The following CIMIP4 variants were observed in gnomAD, a reference collection of about 807,000 sequenced individuals.
CIMIP4 encodes protein EAN57.
the CIMIP4 span, among the ~76,000 whole-genome samples, chr22:37,004,371 C>T: frequency 4.2e-4 from 64 of 151,154 alleles, no homozygotes; most frequent in African/African-American, 1.5e-3. Flanking sequence ...TTCCTTTCAT[C>T]TCCTCCTCCT....
the CIMIP4 span, among the ~76,000 whole-genome samples, chr22:36,993,157 A>C: frequency 4.0e-5 from 6 of 151,802 alleles, no homozygotes; most frequent in African/African-American, 1.5e-4. Flanking sequence ...GATTACAGGC[A>C]TGCGCCACCA....
chr22:37,002,747 C>T, the CIMIP4 span, among the ~76,000 whole-genome samples: 1 of 152,200 alleles, frequency 6.6e-6, no homozygotes, highest in African/African-American at 2.4e-5. Context: ...CTGGCAGCAG[C>T]GGCACTGGCA....
the CIMIP4 span, chr22:37,007,358 G>A: frequency 2.0e-5 from 3 of 152,310 alleles, no homozygotes; most frequent in Non-Finnish European, 4.4e-5. Context: ...ATGAGGCTCC[G>A]AAAAGACACA....
chr22:37,002,413 A>C, the CIMIP4 span: 1 of 655,040 alleles, frequency 1.5e-6, no homozygotes, highest in Non-Finnish European at 2.3e-6. Context: ...GGAAACGGAC[A>C]GACAAAGAGC....
chr22:36,994,652 G>A, the CIMIP4 span, among the ~76,000 whole-genome samples: 1 of 121,022 alleles, frequency 8.3e-6, no homozygotes, highest in South Asian at 2.5e-4. Context: ...TTTTTTTTGA[G>A]ATGGAGTCTT....
the CIMIP4 span, chr22:37,002,169 G>A: frequency 1.3e-6 from 2 of 1,507,590 alleles, no homozygotes; most frequent in Non-Finnish European, 8.9e-7. Context: ...GCTCCCAGGG[G>A]CAGGGGCTGT....
chr22:37,006,362 A>T, the CIMIP4 span, among the ~76,000 whole-genome samples: 2 of 152,208 alleles, frequency 1.3e-5, no homozygotes, highest in African/African-American at 2.4e-5. Context: ...AATGTCCAAC[A>T]TTTGTGTGGC....
the CIMIP4 span, among the ~76,000 whole-genome samples, chr22:36,998,148 T>G: frequency 1.3e-5 from 2 of 152,228 alleles, no homozygotes; most frequent in Non-Finnish European, 2.9e-5. Context: ...AAAAATAGAT[T>G]ATTTTACATT....
At chr22:36,991,179 C>G in the CIMIP4 span, 1 of 1,614,022 alleles carries the variant, frequency 6.2e-7, no homozygotes, top group Non-Finnish European at 8.5e-7. Flanking sequence ...TGTGTCAAAA[C>G]TAGTACTTGG....
chr22:36,996,966 A>C, the CIMIP4 span, among the ~76,000 whole-genome samples: 3 of 152,180 alleles, frequency 2.0e-5, no homozygotes, highest in Non-Finnish European at 4.4e-5. Context: ...AACCCACATA[A>C]AGAAGGAATT....
chr22:36,996,738 A>T, the CIMIP4 span, among the ~76,000 whole-genome samples: 1 of 152,166 alleles, frequency 6.6e-6, no homozygotes, highest in Admixed American at 6.5e-5. Context: ...TTAACTGGTG[A>T]TGGTGGTGGA....
chr22:36,999,400 G>A, the CIMIP4 span, among the ~76,000 whole-genome samples: 1 of 149,758 alleles, frequency 6.7e-6, no homozygotes, highest in Non-Finnish European at 1.5e-5. Context: ...GCTGAGGTGG[G>A]AGGGTTGCTT....
the CIMIP4 span, among the ~76,000 whole-genome samples, chr22:37,003,113 G>A: frequency 4.6e-5 from 7 of 152,360 alleles, no homozygotes; most frequent in South Asian, 4.1e-4. Context: ...CATCTTGGCC[G>A]TCAGGCCTCT....
chr22:37,001,600 G>A, the CIMIP4 span, among the ~76,000 whole-genome samples: 4 of 152,080 alleles, frequency 2.6e-5, no homozygotes, highest in Admixed American at 2.6e-4. Flanking sequence ...CTAAGCCTCG[G>A]TCTCCTTATC....
chr22:36,991,175 A>C, the CIMIP4 span: 1 of 1,613,932 alleles, frequency 6.2e-7, no homozygotes, highest in Non-Finnish European at 8.5e-7. Flanking sequence ...CTACTGTGTC[A>C]AAACTAGTAC....
At chr22:36,998,353 G>T in the CIMIP4 span, among the ~76,000 whole-genome samples, 1 of 152,166 alleles carries the variant, frequency 6.6e-6, no homozygotes, top group Non-Finnish European at 1.5e-5. Flanking sequence ...GTGGGCACCT[G>T]GTTCCTCAGG....
the CIMIP4 span, among the ~76,000 whole-genome samples, chr22:36,994,831 C>T: frequency 1.3e-5 from 2 of 152,050 alleles, no homozygotes; most frequent in African/African-American, 4.8e-5. Flanking sequence ...GGGGTTTCAC[C>T]TTGTTAGCCA....
the CIMIP4 span, among the ~76,000 whole-genome samples, chr22:37,002,725 C>T: frequency 1.3e-5 from 2 of 152,340 alleles, no homozygotes; most frequent in East Asian, 1.9e-4. Context: ...CCTCACTCTC[C>T]GCAGTGAGAA....
At chr22:36,999,800 C>T in the CIMIP4 span, 1 of 1,591,338 alleles carries the variant, frequency 6.3e-7, no homozygotes, top group African/African-American at 1.3e-5. Context: ...CCTGGGAGAC[C>T]ATGGGTGTTC....
Sources: gnomAD v4.1 joint callset for allele counts (sites outside exome capture counted in the v4.1 genomes callset) on GRCh38, gnomAD v4.1.1 for gene constraint, MANE v1.5 for transcripts, NCBI Gene and HGNC (gene_info 2026-07-23, HGNC 2026-07-21) for gene names.